The following IGSF11 variants were observed in gnomAD, a reference collection of about 807,000 sequenced individuals.
IGSF11 encodes the protein CXADR like 1.
In IGSF11, 22 loss-of-function variants were observed where a neutral mutation model predicts 41.0. That is an observed-to-expected ratio of 0.54 (90% CI 0.38 to 0.77). The LOEUF is 0.77. IGSF11 is among the 30% of genes least tolerant of loss of function. The probability of loss-of-function intolerance (pLI) is 0.00; values close to 1 mark genes in which losing one functional copy is unlikely to be tolerated. For synonymous variants in IGSF11, 219 were observed against 201.3 expected, an observed-to-expected ratio of 1.09 and a Z score of -0.74; for missense variants, 444 against 530.8, an observed-to-expected ratio of 0.84 and a Z score of 1.61.
chr3:119,043,908 C>T (rs191357575), intron 1 of IGSF11, among the ~76,000 whole-genome samples: 2 of 152,270 alleles, frequency 1.3e-5, no homozygotes, highest in East Asian at 1.9e-4. Flanking sequence ...ACAATCTGAA[C>T]AGCAGCCCTT....
intron 1 of IGSF11, among the ~76,000 whole-genome samples, chr3:119,046,329 G>C (rs1001761404): frequency 6.6e-6 from 1 of 151,936 alleles, no homozygotes; most frequent in South Asian, 2.1e-4. Flanking sequence ...ACCAAGGCTC[G>C]AGAACTACGT....
At chr3:119,125,561 A>G (rs1170901437) in intron 1 of IGSF11, among the ~76,000 whole-genome samples, 2 of 152,244 alleles carry the variant, frequency 1.3e-5, no homozygotes, top group East Asian at 1.9e-4. Context: ...GGAATCTTAC[A>G]AAGTACATTC....
At chr3:119,015,513 A>G (rs560128119) in intron 1 of IGSF11, among the ~76,000 whole-genome samples, 36 of 152,148 alleles carry the variant, frequency 2.4e-4, no homozygotes, top group Admixed American at 1.7e-3. Context: ...ACCTAACATA[A>G]TATTTTTTCT....
Position 119,117,653 on chromosome 3 carries a change from C to T in IGSF11, c.-13-12448G>A, listed in dbSNP as rs1161551484. Among the ~76,000 whole-genome samples, 3 of 152,190 alleles carry T rather than the reference C, an allele frequency of 2.0e-5. No individual in the cohort carries two copies. The East Asian group carries it at 5.8e-4, about 29-fold the overall frequency. On this transcript the variant is annotated intron_variant, in intron 1 of 7. Coordinates refer to the IGSF11 transcript ENST00000425327. ...CCAGACATTTCAAAACCAATCATGC[C>T]TTCCCAACAGTCCCCCAAAGTCTTA...
intron 1 of IGSF11, among the ~76,000 whole-genome samples, chr3:118,955,505 G>A (rs1452459881): frequency 6.6e-6 from 1 of 152,012 alleles, no homozygotes; most frequent in African/African-American, 2.4e-5. Flanking sequence ...TGAGAGATGA[G>A]GATCCAGTTT....
rs776367713 is a variant in IGSF11, at chr3:119,034,570, G to T, written c.13C>A (p.Arg5Ser). ...AGCAGCAAAGGCGCCAGAGGGGAAC[G>T]CTGAGAAGTCATCCCGGGGCCGCAG... is the stretch of plus-strand genomic sequence containing the variant. MTSQ[R>S]SPLAPLLLLS... The change falls in exon 1 of 7, where the codon CGT becomes AGT. Residue 5 changes from arginine to serine, a missense_variant. Arg to Ser is a moderately radical substitution (Grantham distance 110). Around this residue, in one of 3 missense-constraint regions of IGSF11, gnomAD observed 28 missense variants for 21.1 expected, o/e 1.33. Coordinates refer to ENST00000393775, the MANE Select transcript of IGSF11 (RefSeq NM_001015887.3). The T allele has an allele frequency of 2.5e-6, 4 of 1,591,360 alleles. No individual in the cohort carries two copies. The highest frequency in any genetic ancestry group is 2.7e-5 in the African/African-American group (2 of 73,442).
intron 1 of IGSF11, among the ~76,000 whole-genome samples, chr3:118,944,503 C>T (rs1247701832): frequency 1.4e-5 from 2 of 147,668 alleles, no homozygotes; most frequent in African/African-American, 5.1e-5. Flanking sequence ...CACACACACA[C>T]ACACGATCCC....
intron 1 of IGSF11, among the ~76,000 whole-genome samples, chr3:119,028,377 T>C (rs767044979): frequency 6.6e-6 from 1 of 152,282 alleles, no homozygotes; most frequent in South Asian, 2.1e-4. Flanking sequence ...TCCAGTACTT[T>C]GTATATAGTA....
At chr3:119,004,516 G>A (rs1321840137) in intron 1 of IGSF11, among the ~76,000 whole-genome samples, 1 of 141,896 alleles carries the variant, frequency 7.0e-6, no homozygotes, top group Non-Finnish European at 1.5e-5. Flanking sequence ...TTTTGAATGT[G>A]TTTACTCTTG....
chr3:118,933,346 T>C (rs1373893663), intron 1 of IGSF11, among the ~76,000 whole-genome samples: 1 of 152,016 alleles, frequency 6.6e-6, no homozygotes, highest in Non-Finnish European at 1.5e-5. Context: ...ACAAGGGGTA[T>C]GATGAGGGCA....
chr3:119,091,722 T>C (rs2076763401), intron 1 of IGSF11, among the ~76,000 whole-genome samples: 1 of 152,090 alleles, frequency 6.6e-6, no homozygotes, highest in South Asian at 2.1e-4. Context: ...AGTGGGAGCA[T>C]GGGTTGCAAA....
intron 1 of IGSF11, among the ~76,000 whole-genome samples, chr3:118,980,453 G>T (rs1934597950): frequency 6.6e-6 from 1 of 152,162 alleles, no homozygotes; most frequent in African/African-American, 2.4e-5. Flanking sequence ...ACTCATACAT[G>T]GGAGCTAATA....
At chr3:119,055,503 T>C (rs113715235) in intron 1 of IGSF11, among the ~76,000 whole-genome samples, 7 of 152,134 alleles carry the variant, frequency 4.6e-5, no homozygotes, top group African/African-American at 1.4e-4. Context: ...AGACTTAGAA[T>C]CCTACACAGT....
At chr3:118,967,010 A>G (rs566702824) in intron 1 of IGSF11, among the ~76,000 whole-genome samples, 2 of 152,286 alleles carry the variant, frequency 1.3e-5, no homozygotes, top group East Asian at 1.9e-4. Flanking sequence ...AAAGGAGAAG[A>G]AAGAAAAAAA....
chr3:119,140,689 A>T (rs184480960), intron 1 of IGSF11, among the ~76,000 whole-genome samples: 6 of 152,312 alleles, frequency 3.9e-5, no homozygotes, highest in Admixed American at 2.6e-4. Context: ...GCACATGAAC[A>T]TTATCCAAGA....
In IGSF11 at chr3:118,901,090, T is replaced by G. The variant is rs1179111948; in HGVS notation, c.*1430A>C. The G allele has an allele frequency of 6.6e-6, 1 of 152,568 alleles. No individual in the cohort carries two copies. The highest frequency in any genetic ancestry group is 1.9e-4 in the East Asian group (1 of 5,190). The allele number at this position is 152,568 out of a possible 1,614,324, so 9.5% of individuals were successfully genotyped here. A position where few individuals can be genotyped will look rare whatever the true frequency, so the allele number is the denominator to read the frequency against. ...CTCTTATTGAGACATGGGATGAGTA[T>G]CATAAGTAATCTAGGAAACAAATCT... On this transcript the variant is annotated 3_prime_UTR_variant, in exon 7 of 7. Transcript: ENST00000393775.
chr3:119,021,495 G>A (rs1939282846), intron 1 of IGSF11, among the ~76,000 whole-genome samples: 2 of 152,118 alleles, frequency 1.3e-5, no homozygotes, highest in South Asian at 4.1e-4. Flanking sequence ...ATTAATAAGA[G>A]TTTATTGATC....
intron 1 of IGSF11, among the ~76,000 whole-genome samples, chr3:119,120,318 A>C (rs1159728702): frequency 1.3e-5 from 2 of 152,246 alleles, no homozygotes; most frequent in Non-Finnish European, 2.9e-5. Context: ...GTGGCCATAC[A>C]CTACAACACA....
At chr3:119,053,914 G>T (rs1192421804) in intron 1 of IGSF11, among the ~76,000 whole-genome samples, 1 of 152,048 alleles carries the variant, frequency 6.6e-6, no homozygotes, top group African/African-American at 2.4e-5. Context: ...GATAAAGTGG[G>T]GAAAGGACCC....
Sources: gnomAD v4.1 joint callset for allele counts (sites outside exome capture counted in the v4.1 genomes callset) on GRCh38, gnomAD v4.1.1 for gene constraint, gnomAD v4.1.1 regional missense constraint, MANE v1.5 for transcripts, NCBI Gene and HGNC (gene_info 2026-07-23, HGNC 2026-07-21) for gene names.